The following NELL2 variants were observed in gnomAD, a reference collection of about 807,000 sequenced individuals.
NELL2 encodes neural EGFL like 2, also known as protein kinase C-binding protein NELL2.
A neutral mutation model predicts 109.6 loss-of-function variants in NELL2; 41 were observed. That is an observed-to-expected ratio of 0.37 (90% confidence interval 0.29 to 0.49). The LOEUF (loss-of-function observed/expected upper bound fraction) is 0.49. Among genes scored for constraint, NELL2 ranks in the 20% least tolerant of loss-of-function variants. NELL2 has a pLI of 0.98. For synonymous variants in NELL2, 355 were observed against 344.7 expected (o/e 1.03, Z -0.33); for missense variants, 900 against 1,008.3 (o/e 0.89, Z 1.45).
At chr12:44,847,942 G>A (rs1432211286) in intron 2 of NELL2, among the ~76,000 whole-genome samples, 3 of 147,666 alleles carry the variant, frequency 2.0e-5, no homozygotes, top group Non-Finnish European at 3.0e-5. Context: ...TGAGGTTCAA[G>A]AATCACTTGA....
At chr12:44,516,819 G>A (rs116489806) in intron 19 of NELL2, among the ~76,000 whole-genome samples, 1,848 of 151,524 alleles carry the variant, frequency 0.012, 47 homozygotes, top group African/African-American at 0.042. Flanking sequence ...AGCAGTAAGT[G>A]CTTTTCTTAT....
chr12:44,885,414 G>A (rs2658976), intron 1 of NELL2, among the ~76,000 whole-genome samples: 9,555 of 152,038 alleles, frequency 0.063, 547 homozygotes, highest in East Asian at 0.22. Context: ...GAAAGCTACT[G>A]CAACTAGTAA....
At chr12:44,646,434 C>A (rs1947099117) in intron 13 of NELL2, among the ~76,000 whole-genome samples, 1 of 152,156 alleles carries the variant, frequency 6.6e-6, no homozygotes, top group African/African-American at 2.4e-5. Context: ...ACAAATAGTA[C>A]CAAACCCTAT....
chr12:44,541,841 T>C (rs1278124089), intron 15 of NELL2, among the ~76,000 whole-genome samples: 2 of 152,208 alleles, frequency 1.3e-5, no homozygotes. Context: ...AGGTAGGAAA[T>C]ATTACTGCTA....
At chr12:44,599,012 C>T (rs1945088425) in intron 15 of NELL2, among the ~76,000 whole-genome samples, 1 of 152,076 alleles carries the variant, frequency 6.6e-6, no homozygotes, top group Non-Finnish European at 1.5e-5. Context: ...TTAGCTCTTA[C>T]AGAATTTTGA....
At chr12:44,881,970 G>A (rs1945416524) in intron 1 of NELL2, 1 of 151,866 alleles carries the variant, frequency 6.6e-6, no homozygotes, top group Admixed American at 6.6e-5. Context: ...CAAAAAAGTG[G>A]AATTTTTTTT....
At chr12:44,855,767 G>T (rs1289928039) in intron 2 of NELL2, among the ~76,000 whole-genome samples, 2 of 152,114 alleles carry the variant, frequency 1.3e-5, no homozygotes, top group African/African-American at 4.8e-5. Context: ...AAGCATTCAG[G>T]ATGTCCAGGT....
intron 13 of NELL2, among the ~76,000 whole-genome samples, chr12:44,612,630 C>T (rs1241700168): frequency 6.6e-6 from 1 of 151,956 alleles, no homozygotes; most frequent in Non-Finnish European, 1.5e-5. Flanking sequence ...ATGGGCAGCC[C>T]ACCTACCTTT....
chr12:44,625,598 TGG>T (rs2136277996), intron 13 of NELL2, among the ~76,000 whole-genome samples: 2 of 152,024 alleles, frequency 1.3e-5, no homozygotes, highest in African/African-American at 4.8e-5. Flanking sequence ...TTAAAAAAAA[TGG>T]AGCAGGTTGG....
intron 9 of NELL2, among the ~76,000 whole-genome samples, chr12:44,754,718 A>G (rs1940807211): frequency 6.6e-6 from 1 of 152,214 alleles, no homozygotes; most frequent in Admixed American, 6.5e-5. Context: ...CTGAGTAACT[A>G]TTTGAACCAA....
At chr12:44,528,050 A>G (rs1592071850) in intron 16 of NELL2, among the ~76,000 whole-genome samples, 1 of 134,996 alleles carries the variant, frequency 7.4e-6, no homozygotes, top group South Asian at 2.5e-4. Context: ...GTGAGCCGAG[A>G]TCGCCTCACT....
At chr12:44,635,742 G>C (rs1168801392) in intron 13 of NELL2, among the ~76,000 whole-genome samples, 1 of 152,036 alleles carries the variant, frequency 6.6e-6, no homozygotes, top group Non-Finnish European at 1.5e-5. Flanking sequence ...TGTTCTCTTT[G>C]CTTAGGATTG....
At chr12:44,732,866 C>A (rs541953108) in intron 9 of NELL2, among the ~76,000 whole-genome samples, 4 of 151,902 alleles carry the variant, frequency 2.6e-5, no homozygotes, top group Admixed American at 6.6e-5. Flanking sequence ...AAACAAATAA[C>A]CCAATTAAAA....
intron 14 of NELL2, among the ~76,000 whole-genome samples, chr12:44,609,471 A>T (rs1433184997): frequency 2.0e-5 from 3 of 152,096 alleles, no homozygotes; most frequent in African/African-American, 7.2e-5. Context: ...GTTTATTTCT[A>T]GAATTTTCCA....
chr12:44,888,244 T>C (rs1945496177), intron 1 of NELL2, among the ~76,000 whole-genome samples: 1 of 152,056 alleles, frequency 6.6e-6, no homozygotes, highest in African/African-American at 2.4e-5. Context: ...TATAGCTTTG[T>C]AGCAAATTTT....
At chr12:44,606,194 T>G (rs538164472) in intron 15 of NELL2, among the ~76,000 whole-genome samples, 192 of 152,246 alleles carry the variant, frequency 1.3e-3, no homozygotes, top group African/African-American at 4.4e-3. Context: ...CATCCTTCTG[T>G]GCACAGTAGC....
At position 44,739,327 on chromosome 12, in the gene NELL2, T is replaced by C. The variant is rs558804339; in HGVS notation, c.995-24586A>G. On this transcript the variant is annotated intron_variant, in intron 9 of 19. Coordinates refer to ENST00000429094, the MANE Select transcript of NELL2 (RefSeq NM_001145108.2). ...TTCAGAGAAAAAAAATTACTATCTA[T>C]ACATCTAAATGGTATGAAATGTGAA... Among the ~76,000 whole-genome samples, 4 of 152,274 alleles carry C rather than the reference T, an allele frequency of 2.6e-5. No homozygotes were observed. The South Asian group carries it at 8.3e-4, about 32-fold the overall frequency.
intron 12 of NELL2, among the ~76,000 whole-genome samples, chr12:44,668,792 T>G (rs1948035824): frequency 6.6e-6 from 1 of 152,150 alleles, no homozygotes; most frequent in African/African-American, 2.4e-5. Context: ...TACCTGGGCA[T>G]GTGGCTCAGA....
intron 16 of NELL2, among the ~76,000 whole-genome samples, chr12:44,530,324 G>A (rs919103099): frequency 6.6e-6 from 1 of 152,158 alleles, no homozygotes; most frequent in Non-Finnish European, 1.5e-5. Flanking sequence ...TATTGACAGA[G>A]AATAAAGAGA....
Sources: gnomAD v4.1 joint callset for allele counts (sites outside exome capture counted in the v4.1 genomes callset) on GRCh38, gnomAD v4.1.1 for gene constraint, MANE v1.5 for transcripts, NCBI Gene and HGNC (gene_info 2026-07-23, HGNC 2026-07-21) for gene names.